Variants in SEMA3E observed in about 807,000 individuals in gnomAD.
SEMA3E encodes the protein semaphorin-3E.
A neutral mutation model predicts 93.6 loss-of-function variants in SEMA3E; 49 were observed. The observed-to-expected ratio is 0.52, with a 90% CI of 0.42 to 0.66. The LOEUF (loss-of-function observed/expected upper bound fraction) is 0.66. Among genes scored for constraint, SEMA3E ranks in the 30% least tolerant of loss-of-function variants. The pLI is 0.00. For missense variants in SEMA3E, 906 were observed against 964.8 expected (o/e 0.94, Z 0.81); for synonymous variants, 363 against 330.7 (o/e 1.10, Z -1.06).
intron 8 of SEMA3E, 21 bp downstream of exon 8, chr7:83,405,924 A>G (rs1788320331): frequency 1.9e-6 from 3 of 1,544,398 alleles, no homozygotes; most frequent in Non-Finnish European, 2.7e-6. Flanking sequence ...GAGCAAATTT[A>G]ATTCACCTAA....
At chr7:83,521,114 A>G (rs1791038651) in intron 1 of SEMA3E, among the ~76,000 whole-genome samples, 1 of 151,282 alleles carries the variant, frequency 6.6e-6, no homozygotes, top group Non-Finnish European at 1.5e-5. Context: ...TTCTGTGTAT[A>G]GATGCACAAA....
chr7:83,406,963 G>T, intron 7 of SEMA3E, 134 bp downstream of exon 7: 1 of 1,004,424 alleles, frequency 1.0e-6, no homozygotes, highest in Non-Finnish European at 1.5e-6. Flanking sequence ...GTAGAGGTTG[G>T]TATAGTAAAT....
At chr7:83,477,125 A>C (rs1471778579) in intron 2 of SEMA3E, among the ~76,000 whole-genome samples, 1 of 152,190 alleles carries the variant, frequency 6.6e-6, no homozygotes, top group Admixed American at 6.5e-5. Flanking sequence ...GTGCAAACAA[A>C]CTAACGAATA....
At chr7:83,475,142 C>T (rs995167453) in intron 2 of SEMA3E, among the ~76,000 whole-genome samples, 3 of 151,808 alleles carry the variant, frequency 2.0e-5, no homozygotes, top group South Asian at 4.1e-4. Context: ...ACATAACTTA[C>T]GAGATATAGG....
At chr7:83,464,094 C>A (rs1349761495) in intron 4 of SEMA3E, among the ~76,000 whole-genome samples, 1 of 152,132 alleles carries the variant, frequency 6.6e-6, no homozygotes, top group African/African-American at 2.4e-5. Context: ...GTCAAATCAG[C>A]CAAGCAGTTT....
intron 3 of SEMA3E, among the ~76,000 whole-genome samples, chr7:83,467,362 T>C (rs1266222335): frequency 1.2e-4 from 19 of 152,216 alleles, no homozygotes; most frequent in Non-Finnish European, 1.5e-5. Context: ...AGAATTTTAA[T>C]GTTTTGGAAA....
In SEMA3E at chr7:83,367,272, CT is replaced by C. The variant is rs1794682688; in HGVS notation, c.*313del. 3.6e-6 allele frequency: 1 copy of C among 279,332 alleles called. No homozygotes were observed. Among genetic ancestry groups the C allele is most frequent in the Admixed American group, 4.9e-5 (1 of 20,576 alleles). The allele number at this position is 279,332 out of a possible 1,614,324, so 17.3% of individuals were successfully genotyped here. A position where few individuals can be genotyped will look rare whatever the true frequency, so the allele number is the denominator to read the frequency against. The stretch of plus-strand genomic sequence containing the variant: ...AATTTTTCTTCAATATTCTAATAAT[CT>C]TGTCTTCCAAAAGTAAAATAATAAT... On this transcript the variant is annotated 3_prime_UTR_variant, in exon 17 of 17. Transcript: ENST00000643230.
chr7:83,552,208 C>T (rs904252830), intron 1 of SEMA3E, among the ~76,000 whole-genome samples: 6 of 152,166 alleles, frequency 3.9e-5, no homozygotes, highest in Admixed American at 2.0e-4. Flanking sequence ...ACAGAGGGAC[C>T]GGCTGGAGCC....
intron 5 of SEMA3E, among the ~76,000 whole-genome samples, chr7:83,414,861 C>G (rs1788510736): frequency 6.6e-6 from 1 of 151,688 alleles, no homozygotes; most frequent in Non-Finnish European, 1.5e-5. Flanking sequence ...TAAATTATAC[C>G]TGGAATTGGT....
chr7:83,635,248 T>C (rs985751391), intron 1 of SEMA3E, among the ~76,000 whole-genome samples: 1 of 151,736 alleles, frequency 6.6e-6, no homozygotes, highest in Non-Finnish European at 1.5e-5. Context: ...TCATCAATAA[T>C]ACGCTGTTTT....
intron 4 of SEMA3E, among the ~76,000 whole-genome samples, chr7:83,463,410 T>G (rs1446308411): frequency 6.6e-6 from 1 of 152,170 alleles, no homozygotes; most frequent in African/African-American, 2.4e-5. Flanking sequence ...TCTATTTTCT[T>G]CCTCATACCT....
chr7:83,525,619 C>T (rs1016374135), intron 1 of SEMA3E, among the ~76,000 whole-genome samples: 5 of 151,962 alleles, frequency 3.3e-5, no homozygotes, highest in South Asian at 2.1e-4. Flanking sequence ...TATTCTTCTT[C>T]GCATACTTTT....
At chr7:83,605,739 T>C (rs191007186) in intron 1 of SEMA3E, among the ~76,000 whole-genome samples, 186 of 152,284 alleles carry the variant, frequency 1.2e-3, no homozygotes, top group South Asian at 2.5e-3. Context: ...GCCATAAATG[T>C]CTTCTTTTGA....
At chr7:83,494,825 C>T (rs1790456030) in intron 1 of SEMA3E, among the ~76,000 whole-genome samples, 1 of 151,894 alleles carries the variant, frequency 6.6e-6, no homozygotes, top group Non-Finnish European at 1.5e-5. Context: ...CTGCATTTCC[C>T]AATTCAAATT....
At chr7:83,510,771 C>A (rs1019461709) in intron 1 of SEMA3E, among the ~76,000 whole-genome samples, 1 of 152,086 alleles carries the variant, frequency 6.6e-6, no homozygotes, top group African/African-American at 2.4e-5. Context: ...AGCTACAAAG[C>A]AAATGTGGTT....
At chr7:83,573,354 A>G (rs1462490359) in intron 1 of SEMA3E, among the ~76,000 whole-genome samples, 1 of 152,084 alleles carries the variant, frequency 6.6e-6, no homozygotes, top group Non-Finnish European at 1.5e-5. Context: ...TGAAATTCAT[A>G]TTTTCATACA....
intron 4 of SEMA3E, among the ~76,000 whole-genome samples, chr7:83,454,344 A>ACC (rs1562789517): frequency 1.4e-5 from 2 of 145,824 alleles, no homozygotes; most frequent in Admixed American, 1.4e-4. Flanking sequence ...AATAACAGAA[A>ACC]CTTTAAAATA....
chr7:83,482,110 C>T (rs1790155874), intron 2 of SEMA3E, among the ~76,000 whole-genome samples: 2 of 152,094 alleles, frequency 1.3e-5, no homozygotes, highest in African/African-American at 4.8e-5. Context: ...GCAATTACTG[C>T]CACACTGTGA....
At chr7:83,624,230 G>T (rs183827976) in intron 1 of SEMA3E, among the ~76,000 whole-genome samples, 33 of 152,244 alleles carry the variant, frequency 2.2e-4, no homozygotes, top group African/African-American at 7.7e-4. Context: ...AATCATTTGG[G>T]TATATACTCA....
Sources: gnomAD v4.1 joint callset for allele counts (sites outside exome capture counted in the v4.1 genomes callset) on GRCh38, gnomAD v4.1.1 for gene constraint, MANE v1.5 for transcripts, NCBI Gene and HGNC (gene_info 2026-07-23, HGNC 2026-07-21) for gene names.